The following HMCN1 variants were observed in gnomAD, a reference collection of about 807,000 sequenced individuals.
HMCN1 encodes the protein hemicentin 1, also known as hemicentin-1.
A neutral mutation model predicts 625.9 loss-of-function variants in HMCN1; 321 were observed. The observed-to-expected ratio is 0.51, with a 90% CI of 0.47 to 0.56. HMCN1 has a LOEUF of 0.56. Among genes scored for constraint, HMCN1 ranks in the 20% least tolerant of loss-of-function variants. The pLI is 0.00. For synonymous variants in HMCN1, 2,425 were observed against 2,417.6 expected (o/e 1.00, Z -0.09); for missense variants, 6,588 against 6,887.3 (o/e 0.96, Z 1.54).
chr1:185,809,186 C>CCCATTTTACA (rs1449241099), intron 1 of HMCN1, among the ~76,000 whole-genome samples: 29 of 152,098 alleles, frequency 1.9e-4, no homozygotes, highest in African/African-American at 6.7e-4. Context: ...TAGTAAAAAC[C>CCCATTTTACA]CCATTTTACA....
intron 11 of HMCN1, among the ~76,000 whole-genome samples, 192 bp downstream of exon 11, chr1:185,934,016 T>C (rs1461525788): frequency 6.6e-6 from 1 of 152,214 alleles, no homozygotes; most frequent in Non-Finnish European, 1.5e-5. Context: ...CACTAACAAA[T>C]AGGTAACTTT....
chr1:185,838,025 T>C (rs890431913), intron 1 of HMCN1, among the ~76,000 whole-genome samples: 17 of 152,286 alleles, frequency 1.1e-4, no homozygotes, highest in African/African-American at 3.8e-4. Context: ...CCTCCAGGCA[T>C]GGAGACTGAG....
intron 2 of HMCN1, among the ~76,000 whole-genome samples, chr1:185,863,815 G>A (rs1285460095): frequency 2.0e-5 from 3 of 152,168 alleles, no homozygotes; most frequent in African/African-American, 7.2e-5. Flanking sequence ...TGAAAAGAAT[G>A]ACAAACAGAA....
chr1:186,180,016 G>A (rs1301302233), intron 104 of HMCN1, among the ~76,000 whole-genome samples: 3 of 152,050 alleles, frequency 2.0e-5, no homozygotes, highest in African/African-American at 4.8e-5. Context: ...CTTCTCCCTC[G>A]TGATTAGCTT....
chr1:186,023,936 G>T (rs1036344231), intron 36 of HMCN1, among the ~76,000 whole-genome samples: 7 of 152,142 alleles, frequency 4.6e-5, no homozygotes, highest in African/African-American at 1.7e-4. Context: ...ACAAATAAAA[G>T]AGTAAATAGT....
intron 4 of HMCN1, among the ~76,000 whole-genome samples, chr1:185,874,444 C>A (rs1391014824): frequency 6.6e-6 from 1 of 151,906 alleles, no homozygotes; most frequent in Non-Finnish European, 1.5e-5. Flanking sequence ...TAAATGGAAA[C>A]AGAGTCCATG....
At chr1:185,970,059 G>A (rs1650702073) in intron 14 of HMCN1, among the ~76,000 whole-genome samples, 1 of 152,072 alleles carries the variant, frequency 6.6e-6, no homozygotes, top group South Asian at 2.1e-4. Flanking sequence ...CTAAGCTTTG[G>A]TTATGACTGC....
chr1:185,911,166 G>T (rs1666399312), intron 5 of HMCN1, among the ~76,000 whole-genome samples: 1 of 152,010 alleles, frequency 6.6e-6, no homozygotes, highest in East Asian at 1.9e-4. Context: ...GTAATACTTT[G>T]AGTGCTCTCT....
rs1656524629 is a variant in HMCN1, at chr1:186,045,780, C to T, written c.6397C>T (p.Pro2133Ser). ...ATGTCAAAGTGATGCTATTCCCCCACCTACTCTTACTTGGTTAAAAGACGG... is the reference window on the plus strand; with the variant it reads ...ATGTCAAAGTGATGCTATTCCCCCATCTACTCTTACTTGGTTAAAAGACGG... ...LLCQSDAIPP[P>S]TLTWLKDGHP... Residue 2133 changes from proline (P) to serine (S), a missense_variant, in exon 41 of 107, where the codon CCT (proline) becomes TCT (serine). Coordinates refer to ENST00000271588, the MANE Select transcript of HMCN1 (RefSeq NM_031935.3). The T allele has an allele frequency of 1.2e-6, 2 of 1,612,484 alleles. No homozygotes were observed. The highest frequency in any genetic ancestry group is 8.5e-7 in the Non-Finnish European group (1 of 1,178,716).
At position 186,016,116 on chromosome 1, in the gene HMCN1, A is replaced by G. The variant is rs777249041; in HGVS notation, c.5068A>G (p.Ile1690Val). Residue 1690 changes from isoleucine to valine, a missense_variant, in exon 32 of 107, where the codon ATA becomes GTA. Transcript: ENST00000271588. Reference sequence around the variant, plus strand: ...TGTGAAAGCTAATGACAATATCCGCATAGAAGCTGGTGGGAAGAAACTCGA... The same window carrying G: ...TGTGAAAGCTAATGACAATATCCGCGTAGAAGCTGGTGGGAAGAAACTCGA... Reference protein sequence around the residue: ...VPVKANDNIRIEAGGKKLEIM... With the variant: ...VPVKANDNIRVEAGGKKLEIM... 1.9e-6 allele frequency: 3 copies of G among 1,613,500 alleles called. No individual in the cohort carries two copies. The highest frequency in any genetic ancestry group is 2.5e-6 in the Non-Finnish European group (3 of 1,179,598).
At chr1:185,920,574 A>G (rs1406922716) in intron 6 of HMCN1, among the ~76,000 whole-genome samples, 1 of 152,162 alleles carries the variant, frequency 6.6e-6, no homozygotes, top group Non-Finnish European at 1.5e-5. Flanking sequence ...TTATTACATT[A>G]ATTTTATATA....
At chr1:185,874,508 T>C (rs2102376833) in intron 4 of HMCN1, among the ~76,000 whole-genome samples, 1 of 152,104 alleles carries the variant, frequency 6.6e-6, no homozygotes, top group East Asian at 1.9e-4. Flanking sequence ...TTGACTGTAA[T>C]AGGGTTATAA....
At position 185,919,074 on chromosome 1, in the gene HMCN1, C is replaced by CATATATATAT. The variant is rs60205431; in HGVS notation, c.901-3297_901-3288dup. On this transcript the variant is annotated intron_variant, in intron 6 of 106. Transcript: ENST00000271588. ...AATTTTGGCCTCACTAATTTTAGGA[C>CATATATATAT]ATATATATATATATATAATTTTATT... Among the ~76,000 whole-genome samples, 46 of 146,120 alleles carry CATATATATAT rather than the reference C, an allele frequency of 3.1e-4. 2 individuals carry two copies. Among genetic ancestry groups the CATATATATAT allele is most frequent in the African/African-American group, 1.2e-3 (45 of 38,928 alleles).
intron 4 of HMCN1, among the ~76,000 whole-genome samples, chr1:185,889,637 G>A (rs1404185047): frequency 1.4e-5 from 2 of 138,104 alleles, no homozygotes; most frequent in Non-Finnish European, 3.0e-5. Flanking sequence ...TATTGAACCA[G>A]CCTTGCATCC....
chr1:186,146,208 A>T (rs6425020), intron 93 of HMCN1, among the ~76,000 whole-genome samples: 6,223 of 152,196 alleles, frequency 0.041, 427 homozygotes, highest in African/African-American at 0.14. Context: ...TCCAGACTGA[A>T]GGTAAGGTGG....
intron 86 of HMCN1, among the ~76,000 whole-genome samples, chr1:186,135,183 C>A (rs1037572433): frequency 8.5e-5 from 13 of 152,198 alleles, no homozygotes; most frequent in Non-Finnish European, 1.6e-4. Flanking sequence ...ATTCTGCCAG[C>A]AGTTGCATGC....
chr1:185,939,441 A>C (rs1025878649), intron 11 of HMCN1, among the ~76,000 whole-genome samples: 1 of 152,226 alleles, frequency 6.6e-6, no homozygotes, highest in African/African-American at 2.4e-5. Context: ...AGGAGAAAAA[A>C]GATGTCTAGA....
chr1:185,803,205 CA>C, intron 1 of HMCN1, among the ~76,000 whole-genome samples: 1,052 of 58,602 alleles, frequency 0.018, 1 homozygote, highest in Non-Finnish European at 0.021. Context: ...AAAAAAAAAG[CA>C]AAAAAAAAAA....
intron 1 of HMCN1, among the ~76,000 whole-genome samples, chr1:185,810,577 T>C (rs1659448463): frequency 6.6e-6 from 1 of 152,120 alleles, no homozygotes; most frequent in Non-Finnish European, 1.5e-5. Flanking sequence ...TAAAATGGAC[T>C]CGATTTAATC....
Sources: allele counts gnomAD v4.1 joint callset (sites outside exome capture counted in the v4.1 genomes callset), GRCh38; gene constraint gnomAD v4.1.1; transcripts MANE v1.5; gene names NCBI Gene and HGNC (gene_info 2026-07-23, HGNC 2026-07-21).